The following ZNF256 variants were observed in gnomAD, a reference collection of about 807,000 sequenced individuals.
ZNF256 encodes the protein bone marrow zinc finger 3.
A neutral mutation model predicts 7.9 loss-of-function variants in ZNF256; 4 were observed. The observed-to-expected ratio is 0.50, with a 90% CI of 0.25 to 1.15. The LOEUF is 1.15. Ranked by LOEUF, ZNF256 falls within the 50% of genes most tolerant of loss-of-function variation. The pLI, the probability that ZNF256 is intolerant of heterozygous loss-of-function variation, is 0.15. For synonymous variants in ZNF256, 260 were observed against 260.4 expected (o/e 1.00, Z 0.02); for missense variants, 666 against 755.9 (o/e 0.88, Z 1.39).
chr19:57,945,409 C>T (rs536091299), intron 1 of ZNF256, among the ~76,000 whole-genome samples: 5 of 152,218 alleles, frequency 3.3e-5, no homozygotes, highest in Admixed American at 3.3e-4. Flanking sequence ...GAACTGAAAC[C>T]CACTACAAAG....
In ZNF256 at chr19:57,943,803, T is replaced by C. The variant is rs570540044; in HGVS notation, c.160+131A>G. 22 of 1,235,822 alleles carry C rather than the reference T, an allele frequency of 1.8e-5. 1 individual carries two copies. In the South Asian group the frequency reaches 3.3e-4, roughly 19 times the overall value. The allele number at this position is 1,235,822 out of a possible 1,614,324, so 76.6% of individuals were successfully genotyped here. On this transcript the variant is annotated intron_variant, in intron 2 of 2. Coordinates refer to ENST00000282308, the MANE Select transcript of ZNF256 (RefSeq NM_005773.3). The stretch of plus-strand genomic sequence containing the variant: ...AGCAGGCAACATACAACCTTAGCCC[T>C]ACCAACCGCAGCACCTGCCCAGGAA...
intron 2 of ZNF256, among the ~76,000 whole-genome samples, chr19:57,943,198 G>T (rs920513714): frequency 1.3e-5 from 2 of 152,220 alleles, no homozygotes; most frequent in Admixed American, 1.3e-4. Flanking sequence ...GAATGGGAAA[G>T]AAAAGGCAGT....
chr19:57,945,357 G>C (rs1040844958), intron 1 of ZNF256, among the ~76,000 whole-genome samples: 2 of 152,222 alleles, frequency 1.3e-5, no homozygotes, highest in African/African-American at 4.8e-5. Context: ...GGTCCCCAGA[G>C]GAGGGGACTG....
At position 57,942,419 on chromosome 19, in the gene ZNF256, G is replaced by A. The variant is rs751361283; in HGVS notation, c.389C>T (p.Thr130Ile). 4 of 1,614,128 alleles carry A rather than the reference G, an allele frequency of 2.5e-6. No individual in the cohort carries two copies. The highest frequency in any genetic ancestry group is 2.2e-5 in the East Asian group (1 of 44,902). ...DGACRKQLQF[T>I]AYLHQHQKQH... ...CTTCTGGTGCTGATGAAGGTATGCA[G>A]TAAATTGTAATTGTTTCCTACATGC... is the stretch of plus-strand genomic sequence containing the variant. Residue 130 changes from threonine to isoleucine, a missense_variant, in exon 3 of 3, where the codon ACT becomes ATT. Thr to Ile is a moderately conservative substitution (Grantham distance 89). Transcript: ENST00000282308.
chr19:57,942,795 G>A (rs953142390), intron 2 of ZNF256, 148 bp from the exon 3 acceptor site: 36 of 892,676 alleles, frequency 4.0e-5, no homozygotes, highest in Admixed American at 2.8e-5. Flanking sequence ...TGAAGATAGG[G>A]CTGCCTAGCA....
chr19:57,943,946 T>A lies in ZNF256; in HGVS notation c.148A>T (p.Thr50Ser), dbSNP rs1310757424. The A allele has an allele frequency of 1.9e-6, 3 of 1,613,974 alleles. No individual in the cohort carries two copies. The highest frequency in any genetic ancestry group is 2.5e-6 in the Non-Finnish European group (3 of 1,179,900). The change falls in exon 2 of 3, where the codon ACA becomes TCA. Residue 50 changes from threonine to serine, a missense_variant. By Grantham distance (58) the Thr-to-Ser change is moderately conservative. Transcript: ENST00000282308. The stretch of plus-strand genomic sequence containing the variant: ...GTGAGGACCTTACCCAGGGAGGTTG[T>A]AAGTGTCAAGTTCTCCAGCATCACA... ...HDVMLENLTL[T>S]TSLGGSGAGD...
Position 57,941,152 on chromosome 19 carries a change from A to G in ZNF256, c.1656T>C (p.Cys552=), listed in dbSNP as rs2072724536. The change falls in exon 3 of 3, where the codon TGT becomes TGC. Residue 552 remains cysteine, a synonymous_variant. Coordinates refer to ENST00000282308, the MANE Select transcript of ZNF256 (RefSeq NM_005773.3). ...TGERPYECSE[C]WKSFSNHSSL... is the part of the protein sequence containing the mutation. ...TAGAGTGGTTACTAAAGGATTTCCA[A>G]CACTCACTGCACTCATAAGGCCTTT... is the stretch of plus-strand genomic sequence containing the variant. 1.2e-6 allele frequency: 2 copies of G among 1,614,168 alleles called. No homozygotes were observed. The highest frequency in any genetic ancestry group is 1.3e-5 in the African/African-American group (1 of 75,036).
At chr19:57,944,087 AC>A in intron 1 of ZNF256, 27 bp from the exon 2 acceptor site, 1 of 1,612,610 alleles carries the variant, frequency 6.2e-7, no homozygotes, top group Non-Finnish European at 8.5e-7. Flanking sequence ...ACATGAAACC[AC>A]AAACGGTTCC....
Position 57,944,059 on chromosome 19 carries a change from C to A in ZNF256, c.35G>T (p.Gly12Val), listed in dbSNP as rs61732972. Residue 12 changes from glycine (G) to valine (V), a missense_variant and splice_region_variant, in exon 2 of 3, where the codon GGC (glycine) becomes GTC (valine). By Grantham distance (109) the Gly-to-Val change is moderately radical. Transcript: ENST00000282308. ...AAAELTAPAQ[G>V]IVTFEDVAVY... Reference sequence around the variant, plus strand: ...AGCCACGTCCTCAAAGGTCACAATGCCCTGCCAGGATGGGGACACATGAAA... The same window carrying A: ...AGCCACGTCCTCAAAGGTCACAATGACCTGCCAGGATGGGGACACATGAAA... 1 of 1,613,702 alleles carries A rather than the reference C, an allele frequency of 6.2e-7. No homozygotes were observed. Among genetic ancestry groups the A allele is most frequent in the African/African-American group, 1.3e-5 (1 of 75,036 alleles).
rs2072776407 is a variant in ZNF256, at chr19:57,947,552, G to A, written c.-78C>T. The A allele has an allele frequency of 1.1e-5, 13 of 1,226,482 alleles. No homozygotes were observed. The highest frequency in any genetic ancestry group is 1.2e-5 in the Non-Finnish European group (12 of 967,806). 76.0% of individuals were successfully genotyped at this position (1,226,482 alleles called of 1,614,324 possible). On this transcript the variant is annotated 5_prime_UTR_variant, in exon 1 of 3. Coordinates refer to ENST00000282308, the MANE Select transcript of ZNF256 (RefSeq NM_005773.3). ...GCCTGGGTACCCTGGGCGCCGCCGA[G>A]CCTCAGCCACGCCTCTGTGCAGCGG... is the stretch of plus-strand genomic sequence containing the variant.
intron 2 of ZNF256, among the ~76,000 whole-genome samples, chr19:57,943,145 C>T (rs1037925632): frequency 6.6e-6 from 1 of 152,088 alleles, no homozygotes; most frequent in Non-Finnish European, 1.5e-5. Flanking sequence ...AAGTAAGAGA[C>T]GTAGTAACCA....
In ZNF256 at chr19:57,940,918, TA is replaced by T. The variant is rs774470961; in HGVS notation, c.*5del. 1 of 1,609,460 alleles carries T rather than the reference TA, an allele frequency of 6.2e-7. No homozygotes were observed. Among genetic ancestry groups the T allele is most frequent in the Non-Finnish European group, 8.5e-7 (1 of 1,176,486 alleles). On this transcript the variant is annotated 3_prime_UTR_variant, in exon 3 of 3. Coordinates refer to ENST00000282308, the MANE Select transcript of ZNF256 (RefSeq NM_005773.3). ...CCGTAACAGCCCTATGTGTGTTACC[TA>T]ACCTTTATCCCTTGTGAACGTTCTG...
At chr19:57,947,180 T>C (rs1009628897) in intron 1 of ZNF256, among the ~76,000 whole-genome samples, 1 of 152,230 alleles carries the variant, frequency 6.6e-6, no homozygotes, top group African/African-American at 2.4e-5. Flanking sequence ...AGCCACCCCG[T>C]AGCCCCATGC....
chr19:57,947,006 G>C (rs2072770559), intron 1 of ZNF256, among the ~76,000 whole-genome samples: 1 of 152,234 alleles, frequency 6.6e-6, no homozygotes, highest in Admixed American at 6.5e-5. Context: ...TGGGGGAATG[G>C]CACTCCACAA....
chr19:57,942,427 T>C lies in ZNF256; in HGVS notation c.381A>G (p.Leu127=). The C allele has an allele frequency of 6.2e-7, 1 of 1,614,136 alleles. No homozygotes were observed. Residue 127 remains leucine, a synonymous_variant, in exon 3 of 3, where the codon TTA becomes TTG. Coordinates refer to ENST00000282308, the MANE Select transcript of ZNF256 (RefSeq NM_005773.3). ...GCTGATGAAGGTATGCAGTAAATTG[T>C]AATTGTTTCCTACATGCCCCGTCTG... ...LYTDGACRKQ[L]QFTAYLHQHQ...
intron 1 of ZNF256, among the ~76,000 whole-genome samples, chr19:57,944,764 G>A (rs1327193444): frequency 2.0e-5 from 3 of 152,086 alleles, no homozygotes; most frequent in Non-Finnish European, 4.4e-5. Context: ...GTGGAGAGGT[G>A]GAGGTTGCAA....
In ZNF256 at chr19:57,941,351, G is replaced by C; in HGVS notation, c.1457C>G (p.Thr486Ser). The C allele has an allele frequency of 6.2e-7, 1 of 1,614,044 alleles. No homozygotes were observed. Among genetic ancestry groups the C allele is most frequent in the South Asian group, 1.1e-5 (1 of 91,084 alleles). The change falls in exon 3 of 3, where the codon ACT becomes AGT. Residue 486 changes from threonine (T) to serine (S), a missense_variant. By Grantham distance (58) the Thr-to-Ser change is moderately conservative. Coordinates refer to ENST00000282308, the MANE Select transcript of ZNF256 (RefSeq NM_005773.3). The part of the protein sequence containing the change: ...SYLISHWKVH[T>S]GARPYECGEC... The stretch of plus-strand genomic sequence containing the variant: ...CCCACATTCATAAGGCCTTGCTCCA[G>C]TATGAACTTTCCAGTGTGAGATGAG...
At position 57,941,779 on chromosome 19, in the gene ZNF256, T is replaced by C; in HGVS notation, c.1029A>G (p.Arg343=). 1 of 1,614,078 alleles carries C rather than the reference T, an allele frequency of 6.2e-7. No homozygotes were observed. Among genetic ancestry groups the C allele is most frequent in the East Asian group, 2.2e-5 (1 of 44,876 alleles). ...SHSSSLITHQ[R]IHTGMRPYEC... Reference sequence around the variant, plus strand: ...CATAAGGCCTCATTCCAGTATGAATTCTCTGGTGTGTAATGAGGCTAGAGC... The same window carrying C: ...CATAAGGCCTCATTCCAGTATGAATCCTCTGGTGTGTAATGAGGCTAGAGC... Residue 343 remains arginine (R), a synonymous_variant, in exon 3 of 3, where the codon AGA becomes AGG. Transcript: ENST00000282308.
intron 2 of ZNF256, among the ~76,000 whole-genome samples, chr19:57,943,082 G>C (rs1008630693): frequency 4.6e-5 from 7 of 152,152 alleles, no homozygotes; most frequent in Non-Finnish European, 7.4e-5. Context: ...AAGGCAGTGA[G>C]AAAAATGGGT....
Sources: allele counts gnomAD v4.1 joint callset (sites outside exome capture counted in the v4.1 genomes callset), GRCh38; gene constraint gnomAD v4.1.1; transcripts MANE v1.5; gene names NCBI Gene and HGNC (gene_info 2026-07-23, HGNC 2026-07-21).